The following AGAP1 variants were observed in gnomAD, a reference collection of about 807,000 sequenced individuals.
The protein encoded by AGAP1 is arf-GAP with GTPase, ANK repeat and PH domain-containing protein 1.
Under a neutral mutation model 105.3 loss-of-function variants are expected in AGAP1, and 29 were observed. The observed-to-expected ratio is 0.28, with a 90% CI of 0.21 to 0.38. The LOEUF (loss-of-function observed/expected upper bound fraction) is 0.38, where lower values mean the gene tolerates loss of function less well. AGAP1 is among the 10% of genes least tolerant of loss of function. AGAP1 has a pLI of 1.00. For synonymous variants in AGAP1, 509 were observed against 485.9 expected (o/e 1.05, Z -0.63); for missense variants, 998 against 1,165.1 (o/e 0.86, Z 2.09).
intron 1 of AGAP1, among the ~76,000 whole-genome samples, chr2:235,541,865 T>C (rs1039194323): frequency 6.6e-6 from 1 of 152,200 alleles, no homozygotes; most frequent in Non-Finnish European, 1.5e-5. Context: ...TAAACATGAT[T>C]TCTGGTAATG....
Position 236,121,163 on chromosome 2 carries a change from A to C in AGAP1, c.2370+716A>C, listed in dbSNP as rs1395288544. 6.6e-6 allele frequency among the ~76,000 whole-genome samples: 1 copy of C among 152,212 alleles called. No homozygotes were observed. The highest frequency in any genetic ancestry group is 1.5e-5 in the Non-Finnish European group (1 of 68,044). The stretch of plus-strand genomic sequence containing the variant: ...GTGTGTGCCCAGAAGTGGAGACAGC[A>C]CCCAGAGGTGGGACACCCAGCTGGA... On this transcript the variant is annotated intron_variant, in intron 17 of 17. Transcript: ENST00000304032. The surrounding 1 kb of genome is among the most constrained non-coding windows in gnomAD (Gnocchi z 4.9).
At chr2:235,500,839 G>A (rs1035767401) in intron 1 of AGAP1, among the ~76,000 whole-genome samples, 1 of 152,112 alleles carries the variant, frequency 6.6e-6, no homozygotes, top group Non-Finnish European at 1.5e-5. Flanking sequence ...AAAGACAGAG[G>A]GTTTATTAGG....
chr2:236,016,594 C>T (rs1025486652), intron 13 of AGAP1, among the ~76,000 whole-genome samples: 5 of 152,082 alleles, frequency 3.3e-5, no homozygotes, highest in Non-Finnish European at 7.3e-5. Flanking sequence ...GTGGGTGACA[C>T]GGGACCCAGT....
At chr2:236,013,026 C>T (rs995829955) in intron 13 of AGAP1, among the ~76,000 whole-genome samples, 40 of 152,268 alleles carry the variant, frequency 2.6e-4, no homozygotes, top group African/African-American at 9.1e-4. Context: ...GGATTACAGA[C>T]GTGAGGACCT....
intron 9 of AGAP1, among the ~76,000 whole-genome samples, chr2:235,831,184 TAA>T (rs35101565): frequency 1.2e-3 from 172 of 138,044 alleles, no homozygotes; most frequent in Middle Eastern, 3.7e-3. Context: ...TCTTCTTCTT[TAA>T]AAAAAAAAAA....
At chr2:235,537,217 G>C (rs563334821) in intron 1 of AGAP1, among the ~76,000 whole-genome samples, 1 of 152,228 alleles carries the variant, frequency 6.6e-6, no homozygotes, top group Non-Finnish European at 1.5e-5. Context: ...CAATGAGAGC[G>C]GGGGTGGTGT....
chr2:235,836,407 T>C (rs1206973279), intron 9 of AGAP1, among the ~76,000 whole-genome samples: 1 of 152,090 alleles, frequency 6.6e-6, no homozygotes, highest in Non-Finnish European at 1.5e-5. Context: ...CACCAACAAG[T>C]GGTCCTGTAG....
intron 13 of AGAP1, among the ~76,000 whole-genome samples, chr2:235,984,366 CTGTT>C (rs199754092): frequency 0.021 from 3,140 of 151,972 alleles, 47 homozygotes; most frequent in Non-Finnish European, 0.033. Context: ...ACACAAGTAT[CTGTT>C]TGAGTCCCTG....
At position 235,934,671 on chromosome 2, in the gene AGAP1, C is replaced by T. The variant is rs970025082; in HGVS notation, c.1483+3748C>T. 6.6e-6 allele frequency among the ~76,000 whole-genome samples: 1 copy of T among 152,014 alleles called. No individual in the cohort carries two copies. Among genetic ancestry groups the T allele is most frequent in the Non-Finnish European group, 1.5e-5 (1 of 68,016 alleles). ...CTTAAGTTGCCGGTGATATAAGTCC[C>T]CCCTGCCCCCACTTCCTTTTCGAAT... On this transcript the variant is annotated intron_variant, in intron 12 of 17. Coordinates refer to ENST00000304032, the MANE Select transcript of AGAP1 (RefSeq NM_001037131.3). The surrounding 1 kb of genome is among the most constrained non-coding windows in gnomAD (Gnocchi z 4.9).
At chr2:235,640,224 C>G (rs1206782314) in intron 1 of AGAP1, among the ~76,000 whole-genome samples, 3 of 152,214 alleles carry the variant, frequency 2.0e-5, no homozygotes, top group Non-Finnish European at 4.4e-5. Flanking sequence ...GCTTAAGACC[C>G]TGTAACATTT....
chr2:235,619,240 A>G (rs1041898530), intron 1 of AGAP1, among the ~76,000 whole-genome samples: 1 of 152,254 alleles, frequency 6.6e-6, no homozygotes, highest in African/African-American at 2.4e-5. Context: ...CAGTAAGGAC[A>G]GGGCGATCCC....
rs1256850662 is a variant in AGAP1, at chr2:235,701,810, GA to G, written c.164-7367del. Among the ~76,000 whole-genome samples, 1 of 152,062 alleles carries G rather than the reference GA, an allele frequency of 6.6e-6. No individual in the cohort carries two copies. Among genetic ancestry groups the G allele is most frequent in the Non-Finnish European group, 1.5e-5 (1 of 68,012 alleles). ...AGACTCCACTTCCTTCCTCGGCACAGAACTGACAGGCTGTGGCAGCCACAGC... is the reference window on the plus strand; with the variant it reads ...AGACTCCACTTCCTTCCTCGGCACAGACTGACAGGCTGTGGCAGCCACAGC... On this transcript the variant is annotated intron_variant, in intron 1 of 17. Transcript: ENST00000304032. This position sits in a 1 kb window ranked among gnomAD's most constrained non-coding sequence, Gnocchi z 4.1.
At chr2:235,592,819 T>A (rs1945395556) in intron 1 of AGAP1, among the ~76,000 whole-genome samples, 1 of 152,030 alleles carries the variant, frequency 6.6e-6, no homozygotes, top group Non-Finnish European at 1.5e-5. Flanking sequence ...TGGCTGCTCG[T>A]CTGGAGAAGA....
In AGAP1 at chr2:235,849,406, A is replaced by G. The variant is rs549586692; in HGVS notation, c.1051-33939A>G. The stretch of plus-strand genomic sequence containing the variant: ...CCAAGTATTCATTGTTCGAAATCAA[A>G]TGTAAAAGTGATTTCTCTATCGGAG... On this transcript the variant is annotated intron_variant, in intron 9 of 17. Transcript: ENST00000304032. 6.7e-4 allele frequency among the ~76,000 whole-genome samples: 102 copies of G among 152,344 alleles called. 5 individuals are homozygous for G. In the South Asian group the frequency reaches 0.021, roughly 32 times the overall value.
At chr2:235,703,592 G>T (rs981934749) in intron 1 of AGAP1, among the ~76,000 whole-genome samples, 1 of 12,236 alleles carries the variant, frequency 8.2e-5, no homozygotes, top group African/African-American at 3.4e-4. Flanking sequence ...CCCCTCCCCC[G>T]CCCATCCTCC....
At position 235,845,752 on chromosome 2, in the gene AGAP1, G is replaced by A. The variant is rs556152807; in HGVS notation, c.1051-37593G>A. On this transcript the variant is annotated intron_variant, in intron 9 of 17. Coordinates refer to ENST00000304032, the MANE Select transcript of AGAP1 (RefSeq NM_001037131.3). The surrounding 1 kb of genome is among the most constrained non-coding windows in gnomAD (Gnocchi z 4.8). ...TCTATTAACCTTCTCCAGCTGCTCC[G>A]AGATGGTCACCAAGTCCTTCTTCCC... Among the ~76,000 whole-genome samples the A allele has an allele frequency of 2.0e-5, 3 of 152,070 alleles. No homozygotes were observed. The highest frequency in any genetic ancestry group is 3.9e-4 in the East Asian group (2 of 5,160).
In AGAP1 at chr2:235,611,179, C is replaced by T. The variant is rs1209062188; in HGVS notation, c.164-98000C>T. On this transcript the variant is annotated intron_variant, in intron 1 of 17. Coordinates refer to ENST00000304032, the MANE Select transcript of AGAP1 (RefSeq NM_001037131.3). This position sits in a 1 kb window ranked among gnomAD's most constrained non-coding sequence, Gnocchi z 5.0. ...TTTGCCAGTTGAAATGTTCCCCTGC[C>T]TAGTGTAGGGACTGCCACTTCATGC... 6.6e-6 allele frequency among the ~76,000 whole-genome samples: 1 copy of T among 152,152 alleles called. No individual in the cohort carries two copies. Among genetic ancestry groups the T allele is most frequent in the Non-Finnish European group, 1.5e-5 (1 of 68,026 alleles).
rs1182813862 is a variant in AGAP1, at chr2:235,824,595, C to T, written c.1050+17264C>T. Among the ~76,000 whole-genome samples the T allele has an allele frequency of 2.6e-5, 4 of 152,118 alleles. No individual in the cohort carries two copies. The highest frequency in any genetic ancestry group is 2.1e-4 in the South Asian group (1 of 4,824). On this transcript the variant is annotated intron_variant, in intron 9 of 17. Coordinates refer to ENST00000304032, the MANE Select transcript of AGAP1 (RefSeq NM_001037131.3). The surrounding 1 kb of genome is among the most constrained non-coding windows in gnomAD (Gnocchi z 5.2). ...AAGAGGCAATGTAGAAATTAGTTCC[C>T]GAATTACTTGTTAATTGATTTGGTG...
chr2:235,649,753 G>A (rs1947520311), intron 1 of AGAP1, among the ~76,000 whole-genome samples: 1 of 152,180 alleles, frequency 6.6e-6, no homozygotes, highest in Admixed American at 6.5e-5. Context: ...GCACTACGCT[G>A]TAGGTTCTAT....
Sources: allele counts gnomAD v4.1 joint callset (sites outside exome capture counted in the v4.1 genomes callset), GRCh38; gene constraint gnomAD v4.1.1; non-coding constraint Gnocchi (gnomAD v3.1); transcripts MANE v1.5; gene names NCBI Gene and HGNC (gene_info 2026-07-23, HGNC 2026-07-21).